The following RGS7 variants were observed in gnomAD, a reference collection of about 807,000 sequenced individuals.
RGS7 encodes regulator of G-protein signaling 7.
A neutral mutation model predicts 81.1 loss-of-function variants in RGS7; 27 were observed. The observed-to-expected ratio is 0.33, with a 90% confidence interval of 0.25 to 0.46. The LOEUF is 0.46. Among genes scored for constraint, RGS7 ranks in the 20% least tolerant of loss-of-function variants. The probability of loss-of-function intolerance (pLI) is 1.00; values close to 1 mark genes in which losing one functional copy is unlikely to be tolerated. For missense variants in RGS7, 396 were observed against 607.4 expected, an observed-to-expected ratio of 0.65 and a Z score of 3.66; for synonymous variants, 208 against 207.7, an observed-to-expected ratio of 1.00 and a Z score of -0.01.
chr1:241,046,381 C>T (rs1029854415), intron 3 of RGS7, among the ~76,000 whole-genome samples: 11 of 151,700 alleles, frequency 7.3e-5, no homozygotes, highest in Non-Finnish European at 1.6e-4. Context: ...GTATAGCTCC[C>T]ACTTCCAGAA....
In RGS7 at chr1:241,271,835, C is replaced by T. The variant is rs963881067; in HGVS notation, c.78+83864G>A. Among the ~76,000 whole-genome samples the T allele has an allele frequency of 4.6e-5, 7 of 151,454 alleles. No homozygotes were observed. Among genetic ancestry groups the T allele is most frequent in the Middle Eastern group, 3.4e-3 (1 of 294 alleles). On this transcript the variant is annotated intron_variant, in intron 2 of 18. Transcript: ENST00000440928. This position sits in a 1 kb window ranked among gnomAD's most constrained non-coding sequence, Gnocchi z 4.6. ...TCCCTGGCCTCCAGCTTGCAGATAG[C>T]AGATTATGGGACTTAACCTCCACAA...
chr1:240,864,260 T>C lies in RGS7; in HGVS notation c.609+4327A>G, dbSNP rs141170825. Among the ~76,000 whole-genome samples, 329 of 152,306 alleles carry C rather than the reference T, an allele frequency of 2.2e-3. 3 individuals carry two copies. The highest frequency in any genetic ancestry group is 7.3e-3 in the African/African-American group (302 of 41,570). Reference sequence around the variant, plus strand: ...AAGGTATCATTACATGATACCTTTCTATATTATATCCACATGTATCCCATG... The same window carrying C: ...AAGGTATCATTACATGATACCTTTCCATATTATATCCACATGTATCCCATG... On this transcript the variant is annotated intron_variant, in intron 9 of 18. Transcript: ENST00000440928.
intron 18 of RGS7, among the ~76,000 whole-genome samples, chr1:240,782,468 G>C (rs1435666184): frequency 6.6e-6 from 1 of 152,076 alleles, no homozygotes; most frequent in African/African-American, 2.4e-5. Context: ...TATCACCCAG[G>C]TCAGAGTGCA....
At chr1:240,882,417 G>A (rs907309976) in intron 6 of RGS7, among the ~76,000 whole-genome samples, 21 of 152,228 alleles carry the variant, frequency 1.4e-4, no homozygotes, top group Admixed American at 5.2e-4. Context: ...ATCATAAGGC[G>A]GTTACATGTA....
At chr1:241,294,828 A>G (rs980490036) in intron 2 of RGS7, among the ~76,000 whole-genome samples, 2 of 152,160 alleles carry the variant, frequency 1.3e-5, no homozygotes, top group African/African-American at 4.8e-5. Flanking sequence ...GCCTAGGAGC[A>G]GGCTATACCA....
chr1:240,918,232 GCAGCAC>G (rs974418067), intron 6 of RGS7, among the ~76,000 whole-genome samples: 76 of 152,064 alleles, frequency 5.0e-4, no homozygotes, highest in African/African-American at 1.7e-3. Context: ...ATCAAACTAA[GCAGCAC>G]CATCAATCAG....
In RGS7 at chr1:241,163,776, T is replaced by C. The variant is rs1193659968; in HGVS notation, c.79-65014A>G. On this transcript the variant is annotated intron_variant, in intron 2 of 18. Transcript: ENST00000440928. The surrounding 1 kb of genome is among the most constrained non-coding windows in gnomAD (Gnocchi z 4.6). ...ACTCTGCAGTTTTCCCCCATGCACA[T>C]GTTATCTATGAACAGAAGGACAAGT... 6.6e-6 allele frequency among the ~76,000 whole-genome samples: 1 copy of C among 152,110 alleles called. No homozygotes were observed.
chr1:241,089,053 C>CTCTCTCTCTCTCTCTCTCTCTCTCTCTT (rs2063680917), intron 3 of RGS7, among the ~76,000 whole-genome samples: 1 of 53,196 alleles, frequency 1.9e-5, no homozygotes, highest in African/African-American at 9.8e-5. Context: ...CTCTCTCTCT[C>CTCTCTCTCTCTCTCTCTCTCTCTCTCTT]TCTCTCTCTC....
chr1:241,186,022 A>G (rs553152160), intron 2 of RGS7, among the ~76,000 whole-genome samples: 1 of 152,328 alleles, frequency 6.6e-6, no homozygotes, highest in South Asian at 2.1e-4. Context: ...AACCAACGGG[A>G]AAATCAAAAT....
At chr1:241,221,568 C>T (rs1299225519) in intron 2 of RGS7, among the ~76,000 whole-genome samples, 6 of 152,178 alleles carry the variant, frequency 3.9e-5, no homozygotes, top group African/African-American at 1.2e-4. Context: ...TGGGCGACAA[C>T]GCCCAGATAA....
intron 2 of RGS7, among the ~76,000 whole-genome samples, chr1:241,150,192 T>C (rs1423323865): frequency 6.6e-6 from 1 of 152,172 alleles, no homozygotes; most frequent in Non-Finnish European, 1.5e-5. Flanking sequence ...AGAGAGATGA[T>C]GAAATGGTTG....
chr1:241,226,557 C>T (rs1296073534), intron 2 of RGS7, among the ~76,000 whole-genome samples: 4 of 152,154 alleles, frequency 2.6e-5, no homozygotes, highest in Admixed American at 6.6e-5. Context: ...TTAGCCAGAC[C>T]ACCCCTGCAC....
chr1:241,351,766 A>G (rs2083267624), intron 2 of RGS7, among the ~76,000 whole-genome samples: 1 of 152,194 alleles, frequency 6.6e-6, no homozygotes, highest in Non-Finnish European at 1.5e-5. Context: ...GGGGTGAGGA[A>G]CAGTGAACTT....
intron 2 of RGS7, among the ~76,000 whole-genome samples, chr1:241,354,074 G>A (rs115514965): frequency 2.0e-5 from 3 of 152,170 alleles, no homozygotes; most frequent in Admixed American, 6.5e-5. Context: ...TTAGCCTAAC[G>A]GAAATAGCTT....
At chr1:241,338,715 T>A (rs2082374328) in intron 2 of RGS7, among the ~76,000 whole-genome samples, 1 of 149,520 alleles carries the variant, frequency 6.7e-6, no homozygotes, top group Non-Finnish European at 1.5e-5. Context: ...TATAGTATAT[T>A]ATATACAAAT....
In RGS7 at chr1:241,169,842, G is replaced by A. The variant is rs988821506; in HGVS notation, c.79-71080C>T. ...ATTATGTTTCTTCCTATGTATGTTC[G>A]TATGCGTGTGTGAGTGCATTTATAA... On this transcript the variant is annotated intron_variant, in intron 2 of 18. Coordinates refer to ENST00000440928, the MANE Select transcript of RGS7 (RefSeq NM_001364886.1). Among the ~76,000 whole-genome samples the A allele has an allele frequency of 3.3e-5, 5 of 152,026 alleles. No individual in the cohort carries two copies. The South Asian group carries it at 6.2e-4, about 19-fold the overall frequency.
At chr1:240,782,281 C>T (rs981774992) in intron 18 of RGS7, among the ~76,000 whole-genome samples, 1 of 152,192 alleles carries the variant, frequency 6.6e-6, no homozygotes, top group South Asian at 2.1e-4. Flanking sequence ...GGGAAGTACA[C>T]GTGGTACGGT....
At chr1:240,884,060 G>C (rs1666900295) in intron 6 of RGS7, among the ~76,000 whole-genome samples, 2 of 96,138 alleles carry the variant, frequency 2.1e-5, no homozygotes, top group Non-Finnish European at 3.7e-5. Flanking sequence ...TGGGCGACAA[G>C]AGCAAAAACT....
chr1:241,177,918 G>A (rs925964730), intron 2 of RGS7, among the ~76,000 whole-genome samples: 2 of 152,208 alleles, frequency 1.3e-5, no homozygotes, highest in Non-Finnish European at 2.9e-5. Flanking sequence ...AGGTCCAACT[G>A]AGTTGCCTTA....
Sources: allele counts gnomAD v4.1 joint callset (sites outside exome capture counted in the v4.1 genomes callset), GRCh38; gene constraint gnomAD v4.1.1; non-coding constraint Gnocchi (gnomAD v3.1); transcripts MANE v1.5; gene names NCBI Gene and HGNC (gene_info 2026-07-23, HGNC 2026-07-21).